Variants in ASIC1 observed in about 807,000 individuals in gnomAD.
ASIC1 encodes acid sensing ion channel subunit 1.
In ASIC1, 21 loss-of-function variants were observed where a neutral mutation model predicts 63.4. The observed-to-expected ratio is 0.33, with a 90% CI of 0.23 to 0.48. The LOEUF (loss-of-function observed/expected upper bound fraction) is 0.48. ASIC1 is among the 20% of genes least tolerant of loss of function. ASIC1 has a pLI of 0.99. For synonymous variants in ASIC1, 258 were observed against 278.2 expected (o/e 0.93, Z 0.72); for missense variants, 478 against 695.5 (o/e 0.69, Z 3.52).
chr12:50,078,192 C>A lies in ASIC1; in HGVS notation c.837+65C>A. 1 of 1,569,750 alleles carries A rather than the reference C, an allele frequency of 6.4e-7. No individual in the cohort carries two copies. Among genetic ancestry groups the A allele is most frequent in the Non-Finnish European group, 8.6e-7 (1 of 1,160,494 alleles). On this transcript the variant is annotated intron_variant, in intron 5 of 11. Transcript: ENST00000447966. This position sits in a 1 kb window ranked among gnomAD's most constrained non-coding sequence, Gnocchi z 6.0. Reference sequence around the variant, plus strand: ...TGAGGGGTCCAGATGGAGTGGTGGGCAATCAGTAATGGGAAGGACAGGTGA... The same window carrying A: ...TGAGGGGTCCAGATGGAGTGGTGGGAAATCAGTAATGGGAAGGACAGGTGA...
chr12:50,061,987 GTCAGGGAAGACCAGGTT>G (rs1429847338), intron 3 of ASIC1, among the ~76,000 whole-genome samples: 2 of 152,200 alleles, frequency 1.3e-5, no homozygotes, highest in Non-Finnish European at 2.9e-5. Flanking sequence ...CTTCTGGGTT[GTCAGGGAAGACCAGGTT>G]TTTGCTGTTT....
chr12:50,061,845 G>A (rs1950503940), intron 3 of ASIC1, among the ~76,000 whole-genome samples: 1 of 152,146 alleles, frequency 6.6e-6, no homozygotes, highest in South Asian at 2.1e-4. Flanking sequence ...GCTGTCTGAG[G>A]GGACCATTCT....
chr12:50,073,912 C>T (rs1166838018), intron 3 of ASIC1: 22 of 1,535,396 alleles, frequency 1.4e-5, no homozygotes, highest in East Asian at 7.3e-5. Flanking sequence ...GGTAGGGGAC[C>T]GCGTTGCTTA....
intron 8 of ASIC1, 133 bp from the exon 9 acceptor site, chr12:50,080,365 G>A (rs1483902114): frequency 4.4e-6 from 4 of 899,852 alleles, no homozygotes; most frequent in Non-Finnish European, 7.0e-6. Context: ...TAAAAGGCAG[G>A]TATCTCCATC....
intron 3 of ASIC1, among the ~76,000 whole-genome samples, chr12:50,075,556 C>T (rs1592276302): frequency 6.6e-6 from 1 of 152,224 alleles, no homozygotes; most frequent in African/African-American, 2.4e-5. Context: ...TTGGAGTTCT[C>T]TCTTTGCCTC....
In ASIC1 at chr12:50,078,389, G is replaced by A. The variant is rs376372385; in HGVS notation, c.838-32G>A. The stretch of plus-strand genomic sequence containing the variant: ...CAAGCTGATTTGGGGAGAAGTCCCC[G>A]CACTCCCCCAGCTCCCCGGCTCTCC... On this transcript the variant is annotated intron_variant, in intron 5 of 11. Transcript: ENST00000447966. The surrounding 1 kb of genome is among the most constrained non-coding windows in gnomAD (Gnocchi z 6.0). 19 of 1,611,540 alleles carry A rather than the reference G, an allele frequency of 1.2e-5. No individual in the cohort carries two copies. The highest frequency in any genetic ancestry group is 3.3e-5 in the Admixed American group (2 of 59,884).
chr12:50,080,457 T>C, intron 8 of ASIC1, 41 bp from the exon 9 acceptor site: 1 of 1,587,692 alleles, frequency 6.3e-7, no homozygotes, highest in Non-Finnish European at 8.6e-7. Flanking sequence ...GAGATAGAGA[T>C]ATGACTTGAA....
intron 3 of ASIC1, chr12:50,076,845 T>C: frequency 4.9e-6 from 2 of 409,426 alleles, no homozygotes; most frequent in Non-Finnish European, 4.8e-6. Context: ...TCTGTAATCA[T>C]GGAGGGCCTA....
At chr12:50,080,339 C>T in intron 8 of ASIC1, 159 bp from the exon 9 acceptor site, 1 of 797,568 alleles carries the variant, frequency 1.3e-6, no homozygotes, top group Non-Finnish European at 2.0e-6. Context: ...TTCATATATG[C>T]CATCTCATTT....
Position 50,080,850 on chromosome 12 carries a change from A to G in ASIC1, c.1298-252A>G, listed in dbSNP as rs1009971015. 7 of 897,972 alleles carry G rather than the reference A, an allele frequency of 7.8e-6. No individual in the cohort carries two copies. In the African/African-American group the frequency reaches 1.2e-4, roughly 15 times the overall value. The allele number at this position is 897,972 out of a possible 1,614,324, so 55.6% of individuals were successfully genotyped here. ...TGGAGACTATTTCATATGCCCCTAA[A>G]CTAAGAGGGTTGTGGTATTTTGTAA... On this transcript the variant is annotated intron_variant, in intron 9 of 11. Transcript: ENST00000447966.
rs770356150 is a variant in ASIC1, at chr12:50,077,996, C to T, written c.710-4C>T. 1.9e-6 allele frequency: 3 copies of T among 1,608,824 alleles called. No homozygotes were observed. The highest frequency in any genetic ancestry group is 2.5e-6 in the Non-Finnish European group (3 of 1,177,004). On this transcript the variant is annotated splice_region_variant and splice_polypyrimidine_tract_variant and intron_variant, in intron 4 of 11. Transcript: ENST00000447966. ...CCCAACCCACACACTCCTCATTCCC[C>T]TAGACGAGACGTCCTTCGAAGCAGG...
At chr12:50,058,197 T>C (rs1950464895) in intron 1 of ASIC1, among the ~76,000 whole-genome samples, 1 of 151,576 alleles carries the variant, frequency 6.6e-6, no homozygotes, top group Non-Finnish European at 1.5e-5. Flanking sequence ...AGCCTGCGCT[T>C]ATGTGAGAAC....
intron 3 of ASIC1, chr12:50,076,901 A>G (rs1950660369): frequency 9.6e-6 from 5 of 522,308 alleles, no homozygotes; most frequent in Non-Finnish European, 3.7e-6. Flanking sequence ...GGAAGGATTC[A>G]TACCCCAATC....
intron 8 of ASIC1, 125 bp from the exon 9 acceptor site, chr12:50,080,373 A>G: frequency 3.1e-6 from 3 of 956,768 alleles, no homozygotes; most frequent in Non-Finnish European, 4.8e-6. Flanking sequence ...AGGTATCTCC[A>G]TCAGCATCTC....
chr12:50,079,247 T>C (rs1038596839), intron 7 of ASIC1, among the ~76,000 whole-genome samples: 1 of 151,782 alleles, frequency 6.6e-6, no homozygotes, highest in Admixed American at 6.6e-5. Flanking sequence ...CCTGACTCTA[T>C]GAAAAATTAA....
intron 4 of ASIC1, 74 bp downstream of exon 4, chr12:50,077,437 A>G (rs1460152835): frequency 2.7e-5 from 43 of 1,590,306 alleles, no homozygotes; most frequent in Non-Finnish European, 3.5e-5. Context: ...CCTGGGCTTC[A>G]CTGTGAGACC....
chr12:50,070,280 G>A (rs1268617860), intron 3 of ASIC1, among the ~76,000 whole-genome samples: 1 of 152,090 alleles, frequency 6.6e-6, no homozygotes, highest in Non-Finnish European at 1.5e-5. Context: ...AGATGAAGAT[G>A]GGAAAGAATG....
At chr12:50,063,127 A>G (rs1213483225) in intron 3 of ASIC1, among the ~76,000 whole-genome samples, 3 of 152,004 alleles carry the variant, frequency 2.0e-5, no homozygotes, top group East Asian at 1.9e-4. Context: ...TGCCAAGACA[A>G]TGGGGTCCAT....
rs974514506 is a variant in ASIC1 at position 50,074,842 on chromosome 12, G to A, written c.559-2371G>A. Among the ~76,000 whole-genome samples the A allele has an allele frequency of 2.7e-5, 4 of 150,434 alleles. No individual in the cohort carries two copies. Among genetic ancestry groups the A allele is most frequent in the African/African-American group, 7.4e-5 (3 of 40,520 alleles). On this transcript the variant is annotated intron_variant, in intron 3 of 11. Transcript: ENST00000447966. This position sits in a 1 kb window ranked among gnomAD's most constrained non-coding sequence, Gnocchi z 4.2. ...GGTCTTCCTGTGCCCTCCTATGGAC[G>A]CCCCACCCCCACCAGCTCTGTGTGT... is the stretch of plus-strand genomic sequence containing the variant.
Sources: gnomAD v4.1 joint callset for allele counts (sites outside exome capture counted in the v4.1 genomes callset) on GRCh38, gnomAD v4.1.1 for gene constraint, Gnocchi (gnomAD v3.1) non-coding constraint, MANE v1.5 for transcripts, NCBI Gene and HGNC (gene_info 2026-07-23, HGNC 2026-07-21) for gene names.